Variants in POMZP3 observed in about 807,000 individuals in gnomAD.
The protein encoded by POMZP3 is POM121 and ZP3 fusion protein.
A neutral mutation model predicts 19.8 loss-of-function variants in POMZP3; 10 were observed. The observed-to-expected ratio is 0.51, with a 90% confidence interval of 0.31 to 0.86. POMZP3 has a LOEUF of 0.86. POMZP3 is among the 40% of genes least tolerant of loss of function. The probability of loss-of-function intolerance (pLI) is 0.04; values close to 1 mark genes in which losing one functional copy is unlikely to be tolerated. For missense variants in POMZP3, 152 were observed against 228.1 expected, an observed-to-expected ratio of 0.67 and a Z score of 2.15; for synonymous variants, 57 against 85.8, an observed-to-expected ratio of 0.66 and a Z score of 1.85.
intron 3 of POMZP3, among the ~76,000 whole-genome samples, chr7:76,624,465 T>C (rs1563805809): frequency 6.6e-6 from 1 of 150,896 alleles, no homozygotes; most frequent in African/African-American, 2.5e-5. Flanking sequence ...TTTTTTTTTT[T>C]CAGACAGTCT....
At position 76,625,984 on chromosome 7, in the gene POMZP3, C is replaced by T; in HGVS notation, c.65+16G>A. The T allele has an allele frequency of 6.2e-7, 1 of 1,613,312 alleles. No individual in the cohort carries two copies. Among genetic ancestry groups the T allele is most frequent in the Non-Finnish European group, 8.5e-7 (1 of 1,179,554 alleles). Reference sequence around the variant, plus strand: ...GACACGAAAAGGGAGAGTATTCTTCCAACGATAATACTCACATCGCAGAAC... The same window carrying T: ...GACACGAAAAGGGAGAGTATTCTTCTAACGATAATACTCACATCGCAGAAC... On this transcript the variant is annotated intron_variant, in intron 2 of 6. Coordinates refer to ENST00000310842, the MANE Select transcript of POMZP3 (RefSeq NM_012230.5).
intron 4 of POMZP3, among the ~76,000 whole-genome samples, chr7:76,614,920 AG>A (rs1234291085): frequency 2.9e-5 from 3 of 101,888 alleles, no homozygotes; most frequent in Non-Finnish European, 6.2e-5. Flanking sequence ...GCACCATCAT[AG>A]CTCACTGCAG....
intron 3 of POMZP3, among the ~76,000 whole-genome samples, chr7:76,622,884 CTTTT>C (rs1241386746): frequency 2.8e-5 from 4 of 144,796 alleles, no homozygotes; most frequent in South Asian, 2.2e-4. Context: ...TTTTTTTTTT[CTTTT>C]TGAGTTGGGG....
chr7:76,623,865 T>G (rs1010055371), intron 3 of POMZP3, among the ~76,000 whole-genome samples: 13 of 151,108 alleles, frequency 8.6e-5, no homozygotes, highest in African/African-American at 2.9e-4. Flanking sequence ...CCGTGCTAGG[T>G]TTTTTGAGAT....
chr7:76,623,802 CA>C (rs922036003), intron 3 of POMZP3, among the ~76,000 whole-genome samples: 5 of 147,704 alleles, frequency 3.4e-5, no homozygotes, highest in Admixed American at 6.8e-5. Context: ...AATCCGCCTC[CA>C]AAAAAAAAGA....
chr7:76,611,398 G>C (rs1815091442), intron 6 of POMZP3, 56 bp downstream of exon 6: 5 of 1,482,234 alleles, frequency 3.4e-6, no homozygotes, highest in Non-Finnish European at 4.5e-6. Context: ...ATGACAGCAG[G>C]TACCCTCAAC....
chr7:76,611,527 G>C lies in POMZP3; in HGVS notation c.502C>G (p.Pro168Ala). The change falls in exon 6 of 7, where the codon CCA becomes GCA. Residue 168 changes from proline (P) to alanine (A), a missense_variant. Pro to Ala is a conservative substitution (Grantham distance 27, BLOSUM62 -1). This residue lies in a region of POMZP3 where 65 missense variants were observed against 86.2 expected (regional missense o/e 0.75). Coordinates refer to ENST00000310842, the MANE Select transcript of POMZP3 (RefSeq NM_012230.5). ...CGAGGCTGCCTCCTGGAATGGCTTG[G>C]AGTGCCACAGTCACCTTTGTTACAG... ...QCCNKGDCGT[P>A]SHSRRQPRVV... The C allele has an allele frequency of 6.2e-7, 1 of 1,605,218 alleles. No individual in the cohort carries two copies. The highest frequency in any genetic ancestry group is 8.5e-7 in the Non-Finnish European group (1 of 1,172,670).
At chr7:76,626,663 G>A in intron 1 of POMZP3, 45 bp downstream of exon 1, 2 of 1,370,234 alleles carry the variant, frequency 1.5e-6, no homozygotes, top group Non-Finnish European at 1.9e-6. Flanking sequence ...TCGATTTCAA[G>A]CCAGCCGAGC....
At chr7:76,611,265 C>T (rs371566089) in intron 6 of POMZP3, among the ~76,000 whole-genome samples, 189 bp downstream of exon 6, 4 of 151,884 alleles carry the variant, frequency 2.6e-5, no homozygotes, top group East Asian at 1.9e-4. Context: ...CTGGCTGCCA[C>T]CGAGGTGGAA....
At chr7:76,624,955 A>C (rs552949855) in intron 3 of POMZP3, among the ~76,000 whole-genome samples, 1 of 149,932 alleles carries the variant, frequency 6.7e-6, no homozygotes, top group Non-Finnish European at 1.5e-5. Context: ...ACATGGTGAA[A>C]CCCTGTCTCT....
At chr7:76,626,608 A>G (rs928936964) in intron 1 of POMZP3, 100 bp downstream of exon 1, 5 of 1,188,762 alleles carry the variant, frequency 4.2e-6, no homozygotes, top group Admixed American at 3.6e-5. Flanking sequence ...ACCACACACA[A>G]TTCCCTTCGG....
Position 76,626,812 on chromosome 7 carries a change from C to A in POMZP3, c.-256G>T. 6.3e-6 allele frequency: 4 copies of A among 639,054 alleles called. 1 individual carries two copies. Among genetic ancestry groups the A allele is most frequent in the Non-Finnish European group, 8.6e-6 (4 of 467,096 alleles). The allele number at this position is 639,054 out of a possible 1,614,324, so 39.6% of individuals were successfully genotyped here. ...GGGAGGGCGGTGTGGAGCGCGGCGC[C>A]GGGCGGGCGGGCGGCGGCCAGGCCT... On this transcript the variant is annotated 5_prime_UTR_variant, in exon 1 of 7. Transcript: ENST00000310842.
At chr7:76,622,349 T>C (rs1455754133) in intron 3 of POMZP3, among the ~76,000 whole-genome samples, 1 of 146,966 alleles carries the variant, frequency 6.8e-6, no homozygotes, top group African/African-American at 2.5e-5. Flanking sequence ...TAGGGACCCC[T>C]TTCCTGTAAC....
At chr7:76,625,032 C>G (rs941837006) in intron 3 of POMZP3, among the ~76,000 whole-genome samples, 4 of 147,712 alleles carry the variant, frequency 2.7e-5, no homozygotes, top group African/African-American at 5.0e-5. Flanking sequence ...ACTCGGGAGG[C>G]TGAGGCAGGA....
chr7:76,622,009 C>T (rs943746096), intron 3 of POMZP3, among the ~76,000 whole-genome samples: 2 of 138,610 alleles, frequency 1.4e-5, no homozygotes, highest in Non-Finnish European at 3.2e-5. Context: ...TTAAAACCCA[C>T]CAAGACCAAG....
In POMZP3 at chr7:76,627,199, C is replaced by T; in HGVS notation, c.-643G>A. 1.4e-6 allele frequency: 2 copies of T among 1,437,694 alleles called. No homozygotes were observed. Among genetic ancestry groups the T allele is most frequent in the Non-Finnish European group, 1.8e-6 (2 of 1,084,692 alleles). 89.1% of individuals were successfully genotyped at this position (1,437,694 alleles called of 1,614,324 possible). A position where few individuals can be genotyped will look rare whatever the true frequency, so the allele number is the denominator to read the frequency against. On this transcript the variant is annotated 5_prime_UTR_variant, in exon 1 of 7. Transcript: ENST00000310842. Reference sequence around the variant, plus strand: ...CGCCGCCCCGGCCGGCCCTGACACTCGCTATCGGCCGCCGCCGCTCGCCTG... The same window carrying T: ...CGCCGCCCCGGCCGGCCCTGACACTTGCTATCGGCCGCCGCCGCTCGCCTG...
At chr7:76,617,701 G>A (rs1584344681) in intron 4 of POMZP3, among the ~76,000 whole-genome samples, 1 of 96,650 alleles carries the variant, frequency 1.0e-5, no homozygotes, top group Non-Finnish European at 2.0e-5. Flanking sequence ...TTTTTTTTTT[G>A]GAGATGGAGT....
intron 3 of POMZP3, among the ~76,000 whole-genome samples, chr7:76,624,412 A>G (rs28537489): frequency 0.18 from 26,981 of 150,858 alleles, 2,613 homozygotes; most frequent in South Asian, 0.27. Flanking sequence ...TTAGAAAACT[A>G]TTCCATTTTC....
intron 4 of POMZP3, among the ~76,000 whole-genome samples, chr7:76,615,075 A>G (rs1363402277): frequency 8.2e-6 from 1 of 121,912 alleles, no homozygotes; most frequent in Non-Finnish European, 1.8e-5. Flanking sequence ...CTACTGAGGC[A>G]TCATCAATCC....
Sources: allele counts gnomAD v4.1 joint callset (sites outside exome capture counted in the v4.1 genomes callset), GRCh38; gene constraint gnomAD v4.1.1; regional missense constraint gnomAD v4.1.1; transcripts MANE v1.5; gene names NCBI Gene and HGNC (gene_info 2026-07-23, HGNC 2026-07-21).